Variants in MS4A10 observed in about 807,000 individuals in gnomAD.
The protein encoded by MS4A10 is membrane spanning 4-domains A10.
A neutral mutation model predicts 27.7 loss-of-function variants in MS4A10; 27 were observed. The ratio of observed to expected loss-of-function variants is 0.98; its 90% CI spans 0.72 to 1.35. MS4A10 has a LOEUF of 1.35. Among genes scored for constraint, MS4A10 ranks in the 40% most tolerant of loss-of-function variants. The probability of loss-of-function intolerance (pLI) is 0.00; values close to 1 mark genes in which losing one functional copy is unlikely to be tolerated. For synonymous variants in MS4A10, 139 were observed against 131.2 expected, an observed-to-expected ratio of 1.06 and a Z score of -0.41; for missense variants, 338 against 324.7, an observed-to-expected ratio of 1.04 and a Z score of -0.32.
intron 6 of MS4A10, among the ~76,000 whole-genome samples, chr11:60,797,926 C>A (rs1854557907): frequency 6.6e-6 from 1 of 152,244 alleles, no homozygotes; most frequent in Admixed American, 6.5e-5. Context: ...CCCTCCCCAT[C>A]GGTAAGGATG....
chr11:60,800,076 A>C lies in MS4A10; in HGVS notation c.*167A>C. On this transcript the variant is annotated 3_prime_UTR_variant, in exon 8 of 8. Coordinates refer to ENST00000308287, the MANE Select transcript of MS4A10 (RefSeq NM_206893.4). ...TCCTGGGAACGCTGTCCTCTCAGAT[A>C]AGCCATTTCTTACATAGTTGATGGC... 1.0e-6 allele frequency: 1 copy of C among 970,882 alleles called. No individual in the cohort carries two copies. Among genetic ancestry groups the C allele is most frequent in the Non-Finnish European group, 1.5e-6 (1 of 655,352 alleles). The allele number at this position is 970,882 out of a possible 1,614,324, so 60.1% of individuals were successfully genotyped here. A position where few individuals can be genotyped will look rare whatever the true frequency, so the allele number is the denominator to read the frequency against.
intron 1 of MS4A10, among the ~76,000 whole-genome samples, chr11:60,786,557 T>C (rs572970836): frequency 6.6e-6 from 1 of 150,484 alleles, no homozygotes; most frequent in East Asian, 2.0e-4. Flanking sequence ...AGGGACAGGG[T>C]GTATCATGTC....
chr11:60,789,365 C>T (rs1053280238), intron 1 of MS4A10, among the ~76,000 whole-genome samples: 3 of 152,194 alleles, frequency 2.0e-5, no homozygotes, highest in African/African-American at 4.8e-5. Flanking sequence ...AGAAAGACTA[C>T]GTTGGATTTT....
chr11:60,787,192 G>A (rs1028217683), intron 1 of MS4A10, among the ~76,000 whole-genome samples: 2 of 152,008 alleles, frequency 1.3e-5, no homozygotes, highest in African/African-American at 4.8e-5. Context: ...GGCTGGGTCC[G>A]TGGTCCTGAG....
At chr11:60,790,916 C>T (rs1453303282) in intron 2 of MS4A10, 58 bp from the exon 3 acceptor site, 3 of 1,603,422 alleles carry the variant, frequency 1.9e-6, no homozygotes, top group African/African-American at 2.7e-5. Flanking sequence ...CACTAGTGGC[C>T]TCAATTAGAG....
In MS4A10 at chr11:60,794,030, T is replaced by G. The variant is rs1854479245; in HGVS notation, c.419T>G (p.Phe140Cys). 1.2e-6 allele frequency: 2 copies of G among 1,614,170 alleles called. No individual in the cohort carries two copies. The highest frequency in any genetic ancestry group is 8.5e-7 in the Non-Finnish European group (1 of 1,180,022). ...CTCTTTTGCGTGCTGTCTGGCCTCT[T>G]CGTCATCTCCAAGGATCTCTTTCTG... ...ISLFCVLSGLFVISKDLFLES... is the reference protein window; with the variant it reads ...ISLFCVLSGLCVISKDLFLES... The change falls in exon 5 of 8, where the codon TTC (phenylalanine) becomes TGC (cysteine). Residue 140 changes from phenylalanine (F) to cysteine (C), a missense_variant. Phe to Cys is a radical substitution (Grantham distance 205). Transcript: ENST00000308287.
chr11:60,798,490 A>T lies in MS4A10; in HGVS notation c.698A>T (p.Asp233Val), dbSNP rs1854569948. Residue 233 changes from aspartate (D) to valine (V), a missense_variant, in exon 7 of 8, where the codon GAC becomes GTC. Asp to Val is a radical substitution (Grantham distance 152, BLOSUM62 -3). Transcript: ENST00000308287. The part of the protein sequence containing the change: ...PPSYQSVIQG[D>V]AQHKQHQRLR... ...TCCTACCAGAGTGTGATTCAAGGCG[A>T]CGCACAACACAAGCAACATCAGAGG... 4 of 1,614,044 alleles carry T rather than the reference A, an allele frequency of 2.5e-6. No homozygotes were observed. The highest frequency in any genetic ancestry group is 3.4e-6 in the Non-Finnish European group (4 of 1,179,964).
chr11:60,794,129 T>G (rs1565082292), intron 5 of MS4A10, 26 bp downstream of exon 5: 7 of 1,613,294 alleles, frequency 4.3e-6, no homozygotes, highest in East Asian at 2.2e-5. Context: ...TGGAGGGCCC[T>G]CTGACTTCAG....
rs202067448 is a variant in MS4A10, at chr11:60,790,538, G to T, written c.183+20G>T. ...CTGGGGGTGAGCATCCACTTCCCAG[G>T]GTCCCAGCAGTGGGAGGCAGAGGAG... On this transcript the variant is annotated intron_variant, in intron 2 of 7. Coordinates refer to ENST00000308287, the MANE Select transcript of MS4A10 (RefSeq NM_206893.4). 3 of 1,613,374 alleles carry T rather than the reference G, an allele frequency of 1.9e-6. No individual in the cohort carries two copies. Among genetic ancestry groups the T allele is most frequent in the Middle Eastern group, 3.3e-4 (2 of 6,054 alleles).
At chr11:60,790,221 G>T (rs548256311) in intron 1 of MS4A10, 93 bp from the exon 2 acceptor site, 12 of 1,074,030 alleles carry the variant, frequency 1.1e-5, no homozygotes, top group Middle Eastern at 2.5e-4. Context: ...GGAAAGATCT[G>T]GTCCCTTAAA....
chr11:60,787,902 A>T (rs1854366742), intron 1 of MS4A10, among the ~76,000 whole-genome samples: 1 of 152,088 alleles, frequency 6.6e-6, no homozygotes, highest in Non-Finnish European at 1.5e-5. Context: ...CTGTAATCCC[A>T]GTTACTCAGG....
intron 2 of MS4A10, 51 bp downstream of exon 2, chr11:60,790,569 G>A: frequency 6.3e-7 from 1 of 1,597,756 alleles, no homozygotes; most frequent in Non-Finnish European, 8.5e-7. Flanking sequence ...AGGAGAGGGG[G>A]ATATGAGGAG....
intron 1 of MS4A10, among the ~76,000 whole-genome samples, chr11:60,785,904 C>T (rs1292173384): frequency 2.0e-5 from 3 of 152,076 alleles, no homozygotes; most frequent in Admixed American, 6.5e-5. Context: ...CCTCCTTGGA[C>T]GGAGGCCTCT....
chr11:60,795,417 C>CGTATCATTAAAAAA, intron 5 of MS4A10, 138 bp from the exon 6 acceptor site: 3 of 473,564 alleles, frequency 6.3e-6, no homozygotes, highest in South Asian at 4.3e-5. Context: ...CTGCCTTCCC[C>CGTATCATTAAAAAA]ACGCACACCT....
At chr11:60,796,961 A>T (rs143564634) in intron 6 of MS4A10, among the ~76,000 whole-genome samples, 1 of 152,344 alleles carries the variant, frequency 6.6e-6, no homozygotes, top group Non-Finnish European at 1.5e-5. Context: ...AAAAGTGCCA[A>T]ATCCCCCATA....
intron 3 of MS4A10, among the ~76,000 whole-genome samples, chr11:60,791,622 GGT>G (rs567725341): frequency 4.6e-5 from 7 of 152,362 alleles, no homozygotes; most frequent in Non-Finnish European, 7.3e-5. Context: ...CTGACTCCCA[GGT>G]GGAGTCCTGC....
chr11:60,796,443 T>C (rs1452114270), intron 6 of MS4A10, among the ~76,000 whole-genome samples: 8 of 152,036 alleles, frequency 5.3e-5, no homozygotes, highest in Admixed American at 6.6e-5. Flanking sequence ...CCACCATACC[T>C]GGCTAATTTT....
intron 1 of MS4A10, among the ~76,000 whole-genome samples, chr11:60,785,744 C>G (rs1336329655): frequency 6.6e-6 from 1 of 152,148 alleles, no homozygotes; most frequent in Admixed American, 6.5e-5. Flanking sequence ...GTTACTGACC[C>G]TTATTGCTGG....
chr11:60,788,592 C>T (rs1854376740), intron 1 of MS4A10, among the ~76,000 whole-genome samples: 1 of 152,234 alleles, frequency 6.6e-6, no homozygotes, highest in Non-Finnish European at 1.5e-5. Flanking sequence ...GCTTGGGAAC[C>T]TTCCCAAGGG....
Sources: gnomAD v4.1 joint callset for allele counts (sites outside exome capture counted in the v4.1 genomes callset) on GRCh38, gnomAD v4.1.1 for gene constraint, MANE v1.5 for transcripts, NCBI Gene and HGNC (gene_info 2026-07-23, HGNC 2026-07-21) for gene names.